OXCT1: variants seen among roughly 807,000 people sequenced by gnomAD.
OXCT1 encodes 3-oxoacid CoA-transferase 1.
A neutral mutation model predicts 69.6 loss-of-function variants in OXCT1; 27 were observed. The ratio of observed to expected loss-of-function variants is 0.39; its 90% confidence interval spans 0.29 to 0.54. The LOEUF is 0.54. Among genes scored for constraint, OXCT1 ranks in the 20% least tolerant of loss-of-function variants. The pLI, the probability that OXCT1 is intolerant of heterozygous loss-of-function variation, is 0.72. For missense variants in OXCT1, 437 were observed against 650.2 expected, an observed-to-expected ratio of 0.67 and a Z score of 3.57; for synonymous variants, 202 against 217.8, an observed-to-expected ratio of 0.93 and a Z score of 0.64.
intron 14 of OXCT1, among the ~76,000 whole-genome samples, chr5:41,759,381 GAAGAT>G (rs1337254558): frequency 6.6e-6 from 1 of 152,090 alleles, no homozygotes; most frequent in Non-Finnish European, 1.5e-5. Context: ...TTAAAGGGCA[GAAGAT>G]AAGATATACC....
At chr5:41,830,411 A>C (rs935376133) in intron 7 of OXCT1, among the ~76,000 whole-genome samples, 1 of 152,216 alleles carries the variant, frequency 6.6e-6, no homozygotes, top group Admixed American at 6.5e-5. Flanking sequence ...AGTAGATTCA[A>C]GAAGATTAGG....
chr5:41,804,900 G>C (rs149746473), intron 9 of OXCT1, among the ~76,000 whole-genome samples: 1 of 151,980 alleles, frequency 6.6e-6, no homozygotes, highest in East Asian at 1.9e-4. Context: ...TATCATATGC[G>C]ATCTGTATTT....
intron 7 of OXCT1, among the ~76,000 whole-genome samples, chr5:41,830,986 T>A (rs944448389): frequency 3.9e-5 from 6 of 152,208 alleles, no homozygotes; most frequent in African/African-American, 1.4e-4. Context: ...AGTCACCTGG[T>A]TAAAATCTAC....
At chr5:41,821,236 G>A (rs1407784251) in intron 7 of OXCT1, among the ~76,000 whole-genome samples, 1 of 152,156 alleles carries the variant, frequency 6.6e-6, no homozygotes, top group African/African-American at 2.4e-5. Context: ...TCTACACAGG[G>A]ACACACATGC....
At chr5:41,835,540 A>ATTT (rs1367994629) in intron 7 of OXCT1, among the ~76,000 whole-genome samples, 2 of 152,258 alleles carry the variant, frequency 1.3e-5, no homozygotes, top group Non-Finnish European at 2.9e-5. Flanking sequence ...TAAACCACAC[A>ATTT]GGCTACAATA....
At chr5:41,781,367 T>C (rs1038259053) in intron 13 of OXCT1, among the ~76,000 whole-genome samples, 4 of 151,422 alleles carry the variant, frequency 2.6e-5, no homozygotes, top group African/African-American at 7.3e-5. Context: ...AGCTATGCCA[T>C]GGATCACATT....
At chr5:41,740,447 C>T (rs1743106825) in intron 15 of OXCT1, among the ~76,000 whole-genome samples, 1 of 152,162 alleles carries the variant, frequency 6.6e-6, no homozygotes, top group Non-Finnish European at 1.5e-5. Flanking sequence ...AGGGCAAGCA[C>T]CAGAAAGCCA....
At chr5:41,811,799 A>G (rs946717379) in intron 7 of OXCT1, among the ~76,000 whole-genome samples, 1 of 152,044 alleles carries the variant, frequency 6.6e-6, no homozygotes, top group Non-Finnish European at 1.5e-5. Flanking sequence ...GACATTCCAC[A>G]ATGTCCAATG....
chr5:41,741,427 G>A (rs1743161843), intron 15 of OXCT1, among the ~76,000 whole-genome samples: 1 of 152,132 alleles, frequency 6.6e-6, no homozygotes, highest in South Asian at 2.1e-4. Context: ...TAGTGAACCT[G>A]TCTTTGCATC....
chr5:41,759,447 A>C (rs1412604366), intron 14 of OXCT1, among the ~76,000 whole-genome samples: 1 of 152,112 alleles, frequency 6.6e-6, no homozygotes, highest in Non-Finnish European at 1.5e-5. Flanking sequence ...ACCAAAAAAA[A>C]CTTTGCCTAC....
intron 13 of OXCT1, among the ~76,000 whole-genome samples, chr5:41,791,713 T>C (rs1191385425): frequency 6.6e-6 from 1 of 152,222 alleles, no homozygotes; most frequent in Non-Finnish European, 1.5e-5. Flanking sequence ...GAGAAATAGA[T>C]GTATTTAAAA....
At chr5:41,869,979 CG>C in intron 1 of OXCT1, 1 of 439,050 alleles carries the variant, frequency 2.3e-6, no homozygotes, top group East Asian at 4.7e-5. Context: ...AGCCGACGAG[CG>C]CCAAAGGGCT....
chr5:41,794,621 G>T, intron 12 of OXCT1, 56 bp downstream of exon 12: 1 of 1,490,086 alleles, frequency 6.7e-7, no homozygotes, highest in Non-Finnish European at 9.3e-7. Context: ...ACACTCAGAC[G>T]ATGACTCAGC....
intron 14 of OXCT1, among the ~76,000 whole-genome samples, chr5:41,757,356 C>G (rs1408362983): frequency 6.6e-6 from 1 of 152,076 alleles, no homozygotes; most frequent in East Asian, 1.9e-4. Context: ...CTCCATACAT[C>G]CCATGGGAAG....
chr5:41,796,828 C>A (rs1364163175), intron 11 of OXCT1, among the ~76,000 whole-genome samples: 1 of 152,150 alleles, frequency 6.6e-6, no homozygotes, highest in Non-Finnish European at 1.5e-5. Flanking sequence ...AGAGAAAGGG[C>A]TTTATAAACG....
intron 16 of OXCT1, among the ~76,000 whole-genome samples, chr5:41,737,151 G>A (rs1444293844): frequency 6.6e-6 from 1 of 152,128 alleles, no homozygotes; most frequent in Admixed American, 6.6e-5. Context: ...CTAGTCCTCT[G>A]GATGGTTCCA....
chr5:41,745,372 T>C (rs2112028486), intron 15 of OXCT1, among the ~76,000 whole-genome samples: 1 of 152,172 alleles, frequency 6.6e-6, no homozygotes, highest in East Asian at 1.9e-4. Context: ...AGACACAACA[T>C]ACCAGAATCT....
chr5:41,789,257 G>T (rs1745798858), intron 13 of OXCT1, among the ~76,000 whole-genome samples: 2 of 152,190 alleles, frequency 1.3e-5, no homozygotes, highest in African/African-American at 4.8e-5. Flanking sequence ...ACGTAAATGA[G>T]TGGATATGGC....
intron 7 of OXCT1, among the ~76,000 whole-genome samples, chr5:41,836,817 C>G (rs902911453): frequency 6.6e-6 from 1 of 152,132 alleles, no homozygotes; most frequent in African/African-American, 2.4e-5. Context: ...AGACCATGGG[C>G]CAGTACAGGT....
Sources: allele counts gnomAD v4.1 joint callset (sites outside exome capture counted in the v4.1 genomes callset), GRCh38; gene constraint gnomAD v4.1.1; transcripts MANE v1.5; gene names NCBI Gene and HGNC (gene_info 2026-07-23, HGNC 2026-07-21).